ERCC6: variants seen among roughly 807,000 people sequenced by gnomAD.
ERCC6 encodes the protein DNA excision repair protein ERCC-6.
In ERCC6, 116 loss-of-function variants were observed where a neutral mutation model predicts 158.7. That is an observed-to-expected ratio of 0.73 (90% confidence interval 0.63 to 0.85). The LOEUF (loss-of-function observed/expected upper bound fraction) is 0.85. Ranked by LOEUF, ERCC6 falls within the 40% of genes least tolerant of loss-of-function variation. The probability of loss-of-function intolerance (pLI) is 0.00; values close to 1 mark genes in which losing one functional copy is unlikely to be tolerated. For missense variants in ERCC6, 1,698 were observed against 1,799.4 expected (o/e 0.94, Z 1.02); for synonymous variants, 678 against 659.3 (o/e 1.03, Z -0.43).
rs1837392547 is a variant in ERCC6 at position 49,528,464 on chromosome 10, G to C, written c.605C>G (p.Ala202Gly). The C allele has an allele frequency of 1.2e-6, 2 of 1,614,004 alleles. No individual in the cohort carries two copies. The highest frequency in any genetic ancestry group is 2.7e-5 in the African/African-American group (2 of 74,908). The change falls in exon 4 of 21, where the codon GCA (alanine) becomes GGA (glycine). Residue 202 changes from alanine to glycine, a missense_variant. Physicochemically the swap from Ala to Gly is moderately conservative, Grantham distance 60. Transcript: ENST00000355832. Reference sequence around the variant, plus strand: ...GTGATCTAGTTCAATTTTCACCTCTGCTCCTCCAAGGATGGCCTGGAGATG... The same window carrying C: ...GTGATCTAGTTCAATTTTCACCTCTCCTCCTCCAAGGATGGCCTGGAGATG... The part of the protein sequence containing the change: ...QKHLQAILGG[A>G]EVKIELDHAS...
intron 8 of ERCC6, among the ~76,000 whole-genome samples, chr10:49,490,597 C>A (rs1851157197): frequency 6.6e-6 from 1 of 152,166 alleles, no homozygotes; most frequent in Admixed American, 6.5e-5. Context: ...TCGTGATCCA[C>A]CCGCCTCGGC....
At chr10:49,501,430 G>C (rs988607585) in intron 6 of ERCC6, 1 of 152,074 alleles carries the variant, frequency 6.6e-6, no homozygotes, top group Non-Finnish European at 1.5e-5. Flanking sequence ...TTTAAATAAG[G>C]AATATGGGTC....
In ERCC6 at chr10:49,530,759, G is replaced by A; in HGVS notation, c.504C>T (p.Asn168=). 6.2e-7 allele frequency: 1 copy of A among 1,613,732 alleles called. No individual in the cohort carries two copies. The change falls in exon 3 of 21, where the codon AAC becomes AAT. Residue 168 remains asparagine, a synonymous_variant. Coordinates refer to ENST00000355832, the MANE Select transcript of ERCC6 (RefSeq NM_000124.4). Reference sequence around the variant, plus strand: ...GTCGTTTTACAGAATCTAGTTTCCTGTTGATGTCTCTGCTGGTGGCAGCTT... The same window carrying A: ...GTCGTTTTACAGAATCTAGTTTCCTATTGATGTCTCTGCTGGTGGCAGCTT... The part of the protein sequence containing the change: ...SPQAATSRDI[N]RKLDSVKRQK...
the ERCC6 span, among the ~76,000 whole-genome samples, chr10:49,442,721 A>G: frequency 2.0e-5 from 3 of 152,240 alleles, no homozygotes; most frequent in Non-Finnish European, 4.4e-5. Context: ...GGAAGGCCAT[A>G]GGACTACAAG....
At chr10:49,451,806 A>C (rs908861990), downstream of ERCC6, among the ~76,000 whole-genome samples, 1 of 152,176 alleles carries the variant, frequency 6.6e-6, no homozygotes, top group African/African-American at 2.4e-5. Flanking sequence ...GTTTGAGAAT[A>C]ATTGCTATAA....
Position 49,515,353 on chromosome 10 carries a change from C to T in ERCC6, c.1397+8680G>A, listed in dbSNP as rs375175948. On this transcript the variant is annotated intron_variant, in intron 5 of 20. Coordinates refer to ENST00000355832, the MANE Select transcript of ERCC6 (RefSeq NM_000124.4). Reference sequence around the variant, plus strand: ...ACCTGCTATTCAGTGTGATATTCAACGGAACACTTCACATGTAAGGCAACA... The same window carrying T: ...ACCTGCTATTCAGTGTGATATTCAATGGAACACTTCACATGTAAGGCAACA... 36 of 1,610,852 alleles carry T rather than the reference C, an allele frequency of 2.2e-5. No individual in the cohort carries two copies. The highest frequency in any genetic ancestry group is 6.7e-5 in the African/African-American group (5 of 74,868).
chr10:49,525,143 G>A (rs1217378377), intron 4 of ERCC6: 2 of 268,008 alleles, frequency 7.5e-6, no homozygotes, highest in African/African-American at 4.5e-5. Flanking sequence ...AAGCTCCGAA[G>A]TTCTCACGTC....
intron 18 of ERCC6, among the ~76,000 whole-genome samples, chr10:49,469,479 T>C (rs150190458): frequency 2.7e-3 from 404 of 152,356 alleles, no homozygotes; most frequent in Non-Finnish European, 5.0e-3. Context: ...CTTCGTATTA[T>C]TCCAACTGAT....
Position 49,530,857 on chromosome 10 carries a change from A to G in ERCC6, c.423-17T>C. ...GTACATGACCTGAAAAATAAGATAA[A>G]TTGTCTATTTTGCACTCTGATAACA... On this transcript the variant is annotated splice_polypyrimidine_tract_variant and intron_variant, in intron 2 of 20. Transcript: ENST00000355832. 6.2e-7 allele frequency: 1 copy of G among 1,611,982 alleles called. No homozygotes were observed. Among genetic ancestry groups the G allele is most frequent in the Non-Finnish European group, 8.5e-7 (1 of 1,179,170 alleles).
chr10:49,515,703 T>C (rs1836930829), intron 5 of ERCC6: 5 of 1,614,158 alleles, frequency 3.1e-6, no homozygotes, highest in Non-Finnish European at 3.4e-6. Context: ...CCGATACTTA[T>C]CAATGTTTTC....
rs36057162 is a variant in ERCC6, at chr10:49,537,508, TACACAC to T, written c.-15+1448_-15+1453del. Among the ~76,000 whole-genome samples, 228 of 145,684 alleles carry T rather than the reference TACACAC, an allele frequency of 1.6e-3. No homozygotes were observed. The Middle Eastern group carries it at 0.021, about 14-fold the overall frequency. On this transcript the variant is annotated intron_variant, in intron 1 of 20. Coordinates refer to ENST00000355832, the MANE Select transcript of ERCC6 (RefSeq NM_000124.4). ...AAAACTATATATATATATATACACA[TACACAC>T]ACACACACACACACACACACAAATA...
chr10:49,451,916 T>C (rs1352842419), downstream of ERCC6, among the ~76,000 whole-genome samples: 1 of 152,194 alleles, frequency 6.6e-6, no homozygotes, highest in Non-Finnish European at 1.5e-5. Context: ...TGTTCACTAG[T>C]TATAGGTCTA....
chr10:49,480,838 C>T (rs1454550485), intron 10 of ERCC6, among the ~76,000 whole-genome samples: 1 of 152,030 alleles, frequency 6.6e-6, no homozygotes, highest in Admixed American at 6.6e-5. Flanking sequence ...TAAGGCAAAC[C>T]CAAACTGAGG....
At position 49,478,395 on chromosome 10, in the gene ERCC6, C is replaced by G. The variant is rs967392743; in HGVS notation, c.2245G>C (p.Asp749His). ...NPYLLRRMKS[D>H]VKMSLSLPDK... is the part of the protein sequence containing the mutation. ...GGCAAAGAAAGGCTCATCTTGACAT[C>G]TGACTTCATTCTCCGCAGTAGGTAT... is the stretch of plus-strand genomic sequence containing the variant. The change falls in exon 11 of 21, where the codon GAT becomes CAT. Residue 749 changes from aspartate to histidine, a missense_variant. Transcript: ENST00000355832. 2.7e-5 allele frequency: 44 copies of G among 1,613,852 alleles called. No individual in the cohort carries two copies. Among genetic ancestry groups the G allele is most frequent in the Non-Finnish European group, 3.7e-5 (44 of 1,179,878 alleles).
At position 49,483,333 on chromosome 10, in the gene ERCC6, A is replaced by C. The variant is rs1484002597; in HGVS notation, c.1992+13T>G. On this transcript the variant is annotated intron_variant, in intron 9 of 20. Transcript: ENST00000355832. The stretch of plus-strand genomic sequence containing the variant: ...CTCCACTTGGAAATCTCCCTTGTTA[A>C]AAGAGGTCATACCTGTTTGCAAGCA... The C allele has an allele frequency of 1.9e-6, 3 of 1,613,802 alleles. No homozygotes were observed. The highest frequency in any genetic ancestry group is 2.5e-6 in the Non-Finnish European group (3 of 1,179,708).
At position 49,524,596 on chromosome 10, in the gene ERCC6, T is replaced by C. The variant is rs1324337364; in HGVS notation, c.834A>G (p.Gln278=). Residue 278 remains glutamine, a synonymous_variant, in exon 5 of 21, where the codon CAA becomes CAG. Transcript: ENST00000355832. ...TCTTCCTTTCAAAAGACAGTTTTGC[T>C]TGATCTGCCAAATACTTTTCGAAGC... is the stretch of plus-strand genomic sequence containing the variant. ...ASGFEKYLAD[Q]AKLSFERKKQ... 1 of 1,614,150 alleles carries C rather than the reference T, an allele frequency of 6.2e-7. No homozygotes were observed. The highest frequency in any genetic ancestry group is 8.5e-7 in the Non-Finnish European group (1 of 1,180,058).
intron 8 of ERCC6, among the ~76,000 whole-genome samples, chr10:49,490,274 A>C (rs138707118): frequency 6.6e-6 from 1 of 152,302 alleles, no homozygotes; most frequent in Admixed American, 6.5e-5. Context: ...TGGGAAGCTA[A>C]AGGGCAACTT....
chr10:49,491,595 T>C (rs1028652583), intron 8 of ERCC6, among the ~76,000 whole-genome samples: 35 of 152,206 alleles, frequency 2.3e-4, no homozygotes, highest in African/African-American at 8.2e-4. Context: ...GAGACAAATT[T>C]CACCAAATTT....
chr10:49,441,261 C>A, the ERCC6 span, among the ~76,000 whole-genome samples: 446 of 152,326 alleles, frequency 2.9e-3, 1 homozygote, highest in Non-Finnish European at 5.2e-3. Context: ...AAGTAAGTCA[C>A]TGAGGCATTT....
Sources: gnomAD v4.1 joint callset for allele counts (sites outside exome capture counted in the v4.1 genomes callset) on GRCh38, gnomAD v4.1.1 for gene constraint, MANE v1.5 for transcripts, NCBI Gene and HGNC (gene_info 2026-07-23, HGNC 2026-07-21) for gene names.